RIN3: variants seen among roughly 807,000 people sequenced by gnomAD.
RIN3 encodes RAB5 interacting protein 3.
In RIN3, 54 loss-of-function variants were observed where a neutral mutation model predicts 76.3. That is an observed-to-expected ratio of 0.71 (90% CI 0.57 to 0.89). RIN3 has a LOEUF of 0.89. Ranked by LOEUF, RIN3 falls within the 40% of genes least tolerant of loss-of-function variation. The pLI, the probability that RIN3 is intolerant of heterozygous loss-of-function variation, is 0.00. For missense variants in RIN3, 1,256 were observed against 1,322.1 expected (o/e 0.95, Z 0.78); for synonymous variants, 576 against 564.0 (o/e 1.02, Z -0.30).
At chr14:92,638,013 C>G (rs1461869968) in intron 4 of RIN3, among the ~76,000 whole-genome samples, 1 of 152,090 alleles carries the variant, frequency 6.6e-6, no homozygotes, top group Admixed American at 6.5e-5. Context: ...CTTAAAGCCT[C>G]CAAAACACCT....
At chr14:92,603,569 T>C (rs2140090992) in intron 3 of RIN3, among the ~76,000 whole-genome samples, 1 of 152,336 alleles carries the variant, frequency 6.6e-6, no homozygotes, top group South Asian at 2.1e-4. Context: ...CCCAGGGGCC[T>C]GTGCCCGGTC....
chr14:92,643,264 G>A lies in RIN3; in HGVS notation c.532+1935G>A, dbSNP rs1240650250. 6.6e-6 allele frequency among the ~76,000 whole-genome samples: 1 copy of A among 152,172 alleles called. No homozygotes were observed. The highest frequency in any genetic ancestry group is 1.5e-5 in the Non-Finnish European group (1 of 68,040). ...AGACAGGGTTTCACCATATTGGTCAGGCTGGTCTTGAACTCCTGACCTCAT... is the reference window on the plus strand; with the variant it reads ...AGACAGGGTTTCACCATATTGGTCAAGCTGGTCTTGAACTCCTGACCTCAT... On this transcript the variant is annotated intron_variant, in intron 5 of 9. Coordinates refer to ENST00000216487, the MANE Select transcript of RIN3 (RefSeq NM_024832.5). This position sits in a 1 kb window ranked among gnomAD's most constrained non-coding sequence, Gnocchi z 4.8.
rs371093243 is a variant in RIN3 at position 92,544,025 on chromosome 14, C to G, written c.45-11726C>G. ...CTGTTCGTGAAGCCTCCCCACCCCC[C>G]CATCTCATTTAGTAGTTACCATTTG... is the stretch of plus-strand genomic sequence containing the variant. On this transcript the variant is annotated intron_variant, in intron 1 of 9. Coordinates refer to ENST00000216487, the MANE Select transcript of RIN3 (RefSeq NM_024832.5). Among the ~76,000 whole-genome samples the G allele has an allele frequency of 1.5e-4, 23 of 152,242 alleles. No homozygotes were observed. The East Asian group carries it at 1.5e-3, about 10-fold the overall frequency.
At chr14:92,535,265 T>G (rs1896969422) in intron 1 of RIN3, among the ~76,000 whole-genome samples, 1 of 152,098 alleles carries the variant, frequency 6.6e-6, no homozygotes, top group African/African-American at 2.4e-5. Flanking sequence ...CTTTGTTGGG[T>G]GTGTGTGTAA....
At chr14:92,673,971 G>C (rs546736316) in intron 7 of RIN3, among the ~76,000 whole-genome samples, 1 of 152,180 alleles carries the variant, frequency 6.6e-6, no homozygotes, top group African/African-American at 2.4e-5. Flanking sequence ...AGATACAGTC[G>C]TTGTTTCTTG....
intron 6 of RIN3, among the ~76,000 whole-genome samples, chr14:92,657,832 T>C (rs1205972322): frequency 1.3e-5 from 2 of 152,138 alleles, no homozygotes; most frequent in Non-Finnish European, 2.9e-5. Flanking sequence ...AGGATGGCCA[T>C]GGGCCAGCTC....
Position 92,685,974 on chromosome 14 carries a change from T to A in RIN3, c.2631+824T>A, listed in dbSNP as rs118188631. 0.024 allele frequency: 3,594 copies of A among 152,522 alleles called. 72 individuals carry two copies. The highest frequency in any genetic ancestry group is 0.033 in the Non-Finnish European group (2,259 of 68,226). The allele number at this position is 152,522 out of a possible 1,614,324, so 9.4% of individuals were successfully genotyped here. The stretch of plus-strand genomic sequence containing the variant: ...ATCCTCTGCATATGAAGCTGTCACC[T>A]CTGGGAGGGCACAGCCCATGGTTCA... On this transcript the variant is annotated intron_variant, in intron 9 of 9. Coordinates refer to ENST00000216487, the MANE Select transcript of RIN3 (RefSeq NM_024832.5). This position sits in a 1 kb window ranked among gnomAD's most constrained non-coding sequence, Gnocchi z 4.7.
intron 4 of RIN3, among the ~76,000 whole-genome samples, chr14:92,624,007 C>T (rs372471834): frequency 5.9e-5 from 9 of 152,344 alleles, no homozygotes; most frequent in South Asian, 2.1e-4. Flanking sequence ...AGCCCATGCC[C>T]GGTTGGTCAG....
chr14:92,550,884 G>T (rs1897404871), intron 1 of RIN3, among the ~76,000 whole-genome samples: 1 of 152,158 alleles, frequency 6.6e-6, no homozygotes, highest in South Asian at 2.1e-4. Flanking sequence ...TATGCCAGTA[G>T]TTCACTATTA....
intron 3 of RIN3, among the ~76,000 whole-genome samples, chr14:92,605,325 G>A (rs920389790): frequency 1.3e-5 from 2 of 152,188 alleles, no homozygotes; most frequent in African/African-American, 4.8e-5. Context: ...CTTCAAATGG[G>A]GGTCAGAACT....
At chr14:92,666,228 A>C (rs1045954357) in intron 7 of RIN3, among the ~76,000 whole-genome samples, 7 of 152,180 alleles carry the variant, frequency 4.6e-5, no homozygotes. Context: ...TTGATGTGGT[A>C]CCTTCATGGC....
chr14:92,656,985 T>TCTCTGC lies in RIN3; in HGVS notation c.2027-2165_2027-2160dup, dbSNP rs1361447669. Among the ~76,000 whole-genome samples, 4 of 152,196 alleles carry TCTCTGC rather than the reference T, an allele frequency of 2.6e-5. No homozygotes were observed. In the East Asian group the frequency reaches 7.7e-4, roughly 29 times the overall value. On this transcript the variant is annotated intron_variant, in intron 6 of 9. Transcript: ENST00000216487. The surrounding 1 kb of genome is among the most constrained non-coding windows in gnomAD (Gnocchi z 5.2). ...AGCCCAGCCCTTTCCATGAGCTGAG[T>TCTCTGC]CTCTGCCTCTGCCTCTCCCTTCCAA...
chr14:92,525,293 G>C (rs1019046225), intron 1 of RIN3, among the ~76,000 whole-genome samples: 1 of 152,190 alleles, frequency 6.6e-6, no homozygotes, highest in Admixed American at 6.5e-5. Flanking sequence ...AGCTCATTCT[G>C]TGTGTAGCCC....
At chr14:92,516,430 G>T (rs1262389822) in intron 1 of RIN3, among the ~76,000 whole-genome samples, 1 of 152,186 alleles carries the variant, frequency 6.6e-6, no homozygotes, top group Non-Finnish European at 1.5e-5. Context: ...GCCAGTGATG[G>T]ATTCAGGGTG....
intron 4 of RIN3, among the ~76,000 whole-genome samples, chr14:92,627,620 C>T (rs185993797): frequency 3.1e-4 from 47 of 151,260 alleles, no homozygotes; most frequent in South Asian, 1.3e-3. Flanking sequence ...GTTACCTGGT[C>T]GCCACGGTAT....
At chr14:92,676,701 T>A in intron 8 of RIN3, 95 bp downstream of exon 8, 4 of 1,378,618 alleles carry the variant, frequency 2.9e-6, no homozygotes, top group Non-Finnish European at 4.0e-6. Flanking sequence ...ACCTCCTGGA[T>A]GCCAGACTCT....
chr14:92,629,152 A>AGATT (rs1243823112), intron 4 of RIN3, among the ~76,000 whole-genome samples: 14 of 110,642 alleles, frequency 1.3e-4, no homozygotes, highest in East Asian at 5.4e-4. Flanking sequence ...AGAGAGAGAG[A>AGATT]GATTGATTGA....
At chr14:92,613,018 T>C (rs776161642) in intron 3 of RIN3, among the ~76,000 whole-genome samples, 66 of 152,220 alleles carry the variant, frequency 4.3e-4, no homozygotes, top group Non-Finnish European at 9.0e-4. Context: ...AGTTTATCTG[T>C]GTTCTGCAAA....
At chr14:92,542,455 A>G (rs1897151136) in intron 1 of RIN3, among the ~76,000 whole-genome samples, 1 of 152,202 alleles carries the variant, frequency 6.6e-6, no homozygotes, top group African/African-American at 2.4e-5. Context: ...TAGAACCCTC[A>G]TATGCTGCTG....
Sources: allele counts gnomAD v4.1 joint callset (sites outside exome capture counted in the v4.1 genomes callset), GRCh38; gene constraint gnomAD v4.1.1; non-coding constraint Gnocchi (gnomAD v3.1); transcripts MANE v1.5; gene names NCBI Gene and HGNC (gene_info 2026-07-23, HGNC 2026-07-21).